Variants in UNC5D observed in about 807,000 individuals in gnomAD.
UNC5D encodes unc-5 netrin receptor D.
UNC5D carries 39 observed loss-of-function variants against 105.4 expected under a neutral mutation model. The observed-to-expected ratio is 0.37, with a 90% CI of 0.29 to 0.48. The LOEUF (loss-of-function observed/expected upper bound fraction) is 0.48, where lower values mean the gene tolerates loss of function less well. Among genes scored for constraint, UNC5D ranks in the 20% least tolerant of loss-of-function variants. The pLI, the probability that UNC5D is intolerant of heterozygous loss-of-function variation, is 0.98. For synonymous variants in UNC5D, 452 were observed against 450.4 expected, an observed-to-expected ratio of 1.00 and a Z score of -0.04; for missense variants, 991 against 1,202.4, an observed-to-expected ratio of 0.82 and a Z score of 2.60.
At chr8:35,432,821 T>C (rs1346959294) in intron 1 of UNC5D, among the ~76,000 whole-genome samples, 1 of 152,236 alleles carries the variant, frequency 6.6e-6, no homozygotes, top group African/African-American at 2.4e-5. Flanking sequence ...CGGAGTACTT[T>C]GATCTGCTAT....
chr8:35,538,436 T>G (rs1273622382), intron 1 of UNC5D, among the ~76,000 whole-genome samples: 1 of 119,130 alleles, frequency 8.4e-6, no homozygotes, highest in African/African-American at 3.3e-5. Context: ...TATATATATA[T>G]ATATGAATTT....
At chr8:35,748,724 A>T in intron 12 of UNC5D, 29 bp downstream of exon 12, 1 of 1,605,612 alleles carries the variant, frequency 6.2e-7, no homozygotes, top group Non-Finnish European at 8.5e-7. Context: ...TTTTTTAAAC[A>T]GTGGGATTTG....
At chr8:35,653,104 A>AT (rs1363627410) in intron 4 of UNC5D, among the ~76,000 whole-genome samples, 1 of 151,212 alleles carries the variant, frequency 6.6e-6, no homozygotes, top group Non-Finnish European at 1.5e-5. Context: ...TAGTTTTTGT[A>AT]TTTTTAGTAA....
intron 1 of UNC5D, among the ~76,000 whole-genome samples, chr8:35,372,363 A>G (rs1802470372): frequency 6.6e-6 from 1 of 152,100 alleles, no homozygotes; most frequent in Non-Finnish European, 1.5e-5. Context: ...AGTTCAAGCA[A>G]TCCACCCACC....
At chr8:35,254,116 T>G (rs1482957820) in intron 1 of UNC5D, among the ~76,000 whole-genome samples, 1 of 152,216 alleles carries the variant, frequency 6.6e-6, no homozygotes, top group Non-Finnish European at 1.5e-5. Context: ...TAGGTATATT[T>G]ATTTCTCTTT....
chr8:35,237,534 C>G (rs984982881), intron 1 of UNC5D, among the ~76,000 whole-genome samples: 3 of 152,038 alleles, frequency 2.0e-5, no homozygotes, highest in Non-Finnish European at 2.9e-5. Flanking sequence ...GAAGCCAGCT[C>G]GAAACAAGAG....
At chr8:35,563,878 T>C (rs1817139150) in intron 2 of UNC5D, among the ~76,000 whole-genome samples, 1 of 152,178 alleles carries the variant, frequency 6.6e-6, no homozygotes, top group Admixed American at 6.5e-5. Flanking sequence ...GATCATTTTT[T>C]CTTATTTTTG....
chr8:35,407,356 A>AAC (rs2128955294), intron 1 of UNC5D, among the ~76,000 whole-genome samples: 1 of 152,168 alleles, frequency 6.6e-6, no homozygotes, highest in Admixed American at 6.5e-5. Flanking sequence ...TAAAAAAAAA[A>AAC]CACTTGATAG....
intron 7 of UNC5D, among the ~76,000 whole-genome samples, chr8:35,697,966 C>G (rs529461052): frequency 6.6e-6 from 1 of 152,130 alleles, no homozygotes; most frequent in East Asian, 1.9e-4. Context: ...AAATCTCAAC[C>G]CCCACCATCT....
At chr8:35,603,987 C>A (rs1362628447) in intron 4 of UNC5D, among the ~76,000 whole-genome samples, 1 of 152,194 alleles carries the variant, frequency 6.6e-6, no homozygotes, top group African/African-American at 2.4e-5. Context: ...TGGGTCTTGA[C>A]TCTTTATCCA....
chr8:35,356,962 A>G (rs1801591128), intron 1 of UNC5D, among the ~76,000 whole-genome samples: 1 of 152,128 alleles, frequency 6.6e-6, no homozygotes, highest in Non-Finnish European at 1.5e-5. Flanking sequence ...CTTCTTTAAA[A>G]TATAAATTTT....
intron 1 of UNC5D, among the ~76,000 whole-genome samples, chr8:35,415,718 T>C (rs1805483857): frequency 6.6e-6 from 1 of 152,192 alleles, no homozygotes; most frequent in African/African-American, 2.4e-5. Flanking sequence ...CATTTTTAGT[T>C]ATACCACTTT....
intron 7 of UNC5D, 82 bp from the exon 8 acceptor site, chr8:35,705,847 A>G: frequency 4.9e-6 from 4 of 817,782 alleles, no homozygotes; most frequent in South Asian, 4.8e-5. Flanking sequence ...ATAGAGGTAG[A>G]TATAAAGTGA....
At chr8:35,465,769 T>A (rs1332403516) in intron 1 of UNC5D, among the ~76,000 whole-genome samples, 4 of 152,154 alleles carry the variant, frequency 2.6e-5, no homozygotes, top group Admixed American at 6.5e-5. Context: ...AGGAAGAGGA[T>A]CTGGATTTCT....
At chr8:35,349,395 G>A (rs1812046890) in intron 1 of UNC5D, among the ~76,000 whole-genome samples, 1 of 151,940 alleles carries the variant, frequency 6.6e-6, no homozygotes, top group Non-Finnish European at 1.5e-5. Context: ...TCTTCTGAAT[G>A]TTGAGCCATT....
chr8:35,783,322 T>C (rs1050702162), intron 16 of UNC5D, among the ~76,000 whole-genome samples: 6 of 152,166 alleles, frequency 3.9e-5, no homozygotes, highest in African/African-American at 9.7e-5. Flanking sequence ...ACTTCTTTGC[T>C]AAGAATATGG....
At chr8:35,303,980 A>G (rs116820743) in intron 1 of UNC5D, among the ~76,000 whole-genome samples, 1,802 of 152,192 alleles carry the variant, frequency 0.012, 39 homozygotes, top group African/African-American at 0.042. Flanking sequence ...GAGCTCCTCC[A>G]TGTTAAAAAA....
At chr8:35,555,879 A>G (rs1816509935) in intron 2 of UNC5D, among the ~76,000 whole-genome samples, 3 of 13,238 alleles carry the variant, frequency 2.3e-4, no homozygotes, top group Non-Finnish European at 3.3e-4. Flanking sequence ...AAAACAGCAC[A>G]CACACACACA....
rs1813771821 is a variant in UNC5D at position 35,525,112 on chromosome 8, C to T, written c.104-24180C>T. The T allele has an allele frequency of 5.1e-6, 8 of 1,576,928 alleles. No homozygotes were observed. The Admixed American group carries it at 1.4e-4, about 27-fold the overall frequency. On this transcript the variant is annotated intron_variant, in intron 1 of 16. Coordinates refer to ENST00000404895, the MANE Select transcript of UNC5D (RefSeq NM_080872.4). Reference sequence around the variant, plus strand: ...ATCCCTTCCCTCCCCCGGCCTGCCTCCGCTGAAGCCACCACCAGCGCCTCC... The same window carrying T: ...ATCCCTTCCCTCCCCCGGCCTGCCTTCGCTGAAGCCACCACCAGCGCCTCC...
Sources: allele counts gnomAD v4.1 joint callset (sites outside exome capture counted in the v4.1 genomes callset), GRCh38; gene constraint gnomAD v4.1.1; transcripts MANE v1.5; gene names NCBI Gene and HGNC (gene_info 2026-07-23, HGNC 2026-07-21).